The following GSE1 variants were observed in gnomAD, a reference collection of about 807,000 sequenced individuals.
GSE1 encodes the protein genetic suppressor element 1.
GSE1 carries 32 observed loss-of-function variants against 112.6 expected under a neutral mutation model. That is an observed-to-expected ratio of 0.28 (90% CI 0.21 to 0.38). The LOEUF (loss-of-function observed/expected upper bound fraction) is 0.38, where lower values mean the gene tolerates loss of function less well. Among genes scored for constraint, GSE1 ranks in the 10% least tolerant of loss-of-function variants. The pLI is 1.00. For synonymous variants in GSE1, 1,115 were observed against 735.6 expected (o/e 1.52, Z -8.35); for missense variants, 2,348 against 1,699.2 (o/e 1.38, Z -6.71).
chr16:85,649,099 C>T (rs1402178787), intron 3 of GSE1, among the ~76,000 whole-genome samples: 1 of 152,168 alleles, frequency 6.6e-6, no homozygotes, highest in African/African-American at 2.4e-5. Context: ...GCTGCCTTCT[C>T]CCTGGGTCGT....
intron 1 of GSE1, among the ~76,000 whole-genome samples, chr16:85,573,144 T>C (rs1467713093): frequency 6.6e-6 from 1 of 152,176 alleles, no homozygotes; most frequent in Non-Finnish European, 1.5e-5. Context: ...GATTACAGGC[T>C]TGAGCCACTG....
At chr16:85,172,202 C>A (rs988359913) in intron 1 of GSE1, among the ~76,000 whole-genome samples, 2 of 152,216 alleles carry the variant, frequency 1.3e-5, no homozygotes, top group African/African-American at 4.8e-5. Context: ...ACAGAGAGGT[C>A]TCCGTGCTCA....
intron 1 of GSE1, among the ~76,000 whole-genome samples, chr16:85,223,887 G>A (rs1356130162): frequency 6.6e-6 from 1 of 152,112 alleles, no homozygotes; most frequent in Non-Finnish European, 1.5e-5. Context: ...TTACCGGCGT[G>A]AGCGACCTCA....
chr16:85,662,027 T>C (rs539643895), intron 9 of GSE1, among the ~76,000 whole-genome samples: 1 of 152,312 alleles, frequency 6.6e-6, no homozygotes, highest in Admixed American at 6.5e-5. Flanking sequence ...TGAAGATAGT[T>C]CCGCAGACAA....
intron 1 of GSE1, among the ~76,000 whole-genome samples, chr16:85,210,362 A>G (rs76661648): frequency 0.037 from 5,590 of 152,298 alleles, 219 homozygotes; most frequent in African/African-American, 0.099. Context: ...CCAGCACTTC[A>G]GGAGGCTGAG....
chr16:85,246,715 G>C (rs1367140178), intron 1 of GSE1, among the ~76,000 whole-genome samples: 1 of 151,962 alleles, frequency 6.6e-6, no homozygotes, highest in African/African-American at 2.4e-5. Flanking sequence ...TAGTGGACTA[G>C]AGAGGGCCTG....
intron 1 of GSE1, among the ~76,000 whole-genome samples, chr16:85,212,132 G>A (rs1339780011): frequency 1.3e-5 from 2 of 152,324 alleles, no homozygotes; most frequent in African/African-American, 2.4e-5. Context: ...GAAGCCGGGC[G>A]CGGTGGCTCA....
chr16:85,651,443 G>T (rs2051347869), intron 3 of GSE1, among the ~76,000 whole-genome samples: 1 of 152,158 alleles, frequency 6.6e-6, no homozygotes, highest in East Asian at 1.9e-4. Context: ...CCTCAGCCAG[G>T]CCAGGAAGGT....
chr16:85,619,751 CA>C (rs995037050), intron 1 of GSE1, among the ~76,000 whole-genome samples: 1 of 152,204 alleles, frequency 6.6e-6, no homozygotes, highest in African/African-American at 2.4e-5. Flanking sequence ...GTTTTCACCC[CA>C]ACGTGCTCCT....
rs766876464 is a variant in GSE1 at position 85,661,519 on chromosome 16, G to A, written c.2014G>A (p.Gly672Arg). 31 of 1,611,840 alleles carry A rather than the reference G, an allele frequency of 1.9e-5. No homozygotes were observed. Among genetic ancestry groups the A allele is most frequent in the South Asian group, 3.3e-5 (3 of 91,060 alleles). ...LEHQPFLPGP[G>R]PFLAELEKST... Reference sequence around the variant, plus strand: ...GCACCAGCCCTTCCTGCCCGGGCCCGGGCCCTTCCTGGCTGAGCTCGAGAA... The same window carrying A: ...GCACCAGCCCTTCCTGCCCGGGCCCAGGCCCTTCCTGGCTGAGCTCGAGAA... The change falls in exon 9 of 16, where the codon GGG becomes AGG. Residue 672 changes from glycine (G) to arginine (R), a missense_variant. Coordinates refer to ENST00000253458, the MANE Select transcript of GSE1 (RefSeq NM_014615.5).
At chr16:85,183,985 T>A (rs907777237) in intron 1 of GSE1, among the ~76,000 whole-genome samples, 2 of 152,252 alleles carry the variant, frequency 1.3e-5, no homozygotes, top group African/African-American at 4.8e-5. Context: ...TAATTGTTCA[T>A]ATTTGTTTCT....
chr16:85,267,248 A>C (rs1290518024), intron 1 of GSE1, among the ~76,000 whole-genome samples: 2 of 152,148 alleles, frequency 1.3e-5, no homozygotes, highest in Non-Finnish European at 2.9e-5. Context: ...CGGGGTGCCC[A>C]GGAAGTGGGG....
intron 2 of GSE1, among the ~76,000 whole-genome samples, chr16:85,489,029 G>A (rs1190976174): frequency 2.6e-5 from 4 of 152,124 alleles, no homozygotes; most frequent in South Asian, 2.1e-4. Flanking sequence ...CAGGAGAAGC[G>A]GGTCCAGAGC....
chr16:85,667,262 T>G (rs1355818950), intron 13 of GSE1, among the ~76,000 whole-genome samples: 2 of 152,320 alleles, frequency 1.3e-5, no homozygotes, highest in Non-Finnish European at 1.5e-5. Context: ...GGCCTTACAC[T>G]AAACTGTTTC....
chr16:85,636,010 G>A (rs1374152090), intron 2 of GSE1, among the ~76,000 whole-genome samples: 1 of 152,232 alleles, frequency 6.6e-6, no homozygotes, highest in Non-Finnish European at 1.5e-5. Context: ...TGGTGGCTCG[G>A]CCAGCGGGTG....
intron 14 of GSE1, among the ~76,000 whole-genome samples, chr16:85,668,931 A>G (rs905378365): frequency 2.0e-5 from 3 of 152,216 alleles, no homozygotes; most frequent in Admixed American, 1.3e-4. Flanking sequence ...GCTCCTGGTA[A>G]AGGCTTAGTC....
intron 1 of GSE1, among the ~76,000 whole-genome samples, chr16:85,330,385 AAC>A (rs2046312851): frequency 6.6e-6 from 1 of 152,232 alleles, no homozygotes; most frequent in African/African-American, 2.4e-5. Flanking sequence ...AAGGACGGGT[AAC>A]AGTCTCCCCT....
At chr16:85,172,812 C>T (rs538093217) in intron 1 of GSE1, among the ~76,000 whole-genome samples, 11 of 152,332 alleles carry the variant, frequency 7.2e-5, no homozygotes, top group Admixed American at 2.0e-4. Context: ...CCTGATCCTG[C>T]CTCCCACCTG....
chr16:85,543,226 A>AAAT (rs1438752262), intron 2 of GSE1, among the ~76,000 whole-genome samples: 1 of 152,114 alleles, frequency 6.6e-6, no homozygotes, highest in Non-Finnish European at 1.5e-5. Flanking sequence ...AAAAAAAAAA[A>AAAT]AAAGTCTCCT....
Sources: gnomAD v4.1 joint callset for allele counts (sites outside exome capture counted in the v4.1 genomes callset) on GRCh38, gnomAD v4.1.1 for gene constraint, MANE v1.5 for transcripts, NCBI Gene and HGNC (gene_info 2026-07-23, HGNC 2026-07-21) for gene names.